The following KMT2B variants were observed in gnomAD, a reference collection of about 807,000 sequenced individuals.
KMT2B encodes lysine methyltransferase 2B.
Under a neutral mutation model 255.3 loss-of-function variants are expected in KMT2B, and 22 were observed. The observed-to-expected ratio is 0.09, with a 90% CI of 0.06 to 0.12. The LOEUF is 0.12. KMT2B is among the 10% of genes least tolerant of loss of function. The pLI, the probability that KMT2B is intolerant of heterozygous loss-of-function variation, is 1.00. For synonymous variants in KMT2B, 1,730 were observed against 1,498.1 expected (o/e 1.15, Z -3.57); for missense variants, 3,149 against 3,737.0 (o/e 0.84, Z 4.10).
Position 35,719,482 on chromosome 19 carries a change from T to G in KMT2B, c.377T>G (p.Phe126Cys). The change falls in exon 2 of 37, where the codon TTT becomes TGT. Residue 126 changes from phenylalanine to cysteine, a missense_variant. Physicochemically the swap from Phe to Cys is radical, Grantham distance 205. Transcript: ENST00000420124. Reference sequence around the variant, plus strand: ...CCCCTAAATCAGGAGTTTCAGGGTTTTCATTCAGATGAAGATGTGGCCCCC... The same window carrying G: ...CCCCTAAATCAGGAGTTTCAGGGTTGTCATTCAGATGAAGATGTGGCCCCC... ...GESDEEEFQG[F>C]HSDEDVAPSS... 1 of 1,586,600 alleles carries G rather than the reference T, an allele frequency of 6.3e-7. No homozygotes were observed. Among genetic ancestry groups the G allele is most frequent in the Non-Finnish European group, 8.6e-7 (1 of 1,166,560 alleles).
chr19:35,722,276 T>TA, intron 3 of KMT2B, 83 bp from the exon 4 acceptor site: 2 of 1,391,846 alleles, frequency 1.4e-6, no homozygotes, highest in Non-Finnish European at 1.9e-6. Context: ...GTGCTGGGAT[T>TA]ACAGGCATCA....
Position 35,733,068 on chromosome 19 carries a change from G to A in KMT2B, c.6519G>A (p.Arg2173=), listed in dbSNP as rs370085182. The A allele has an allele frequency of 6.3e-7, 1 of 1,576,202 alleles. No individual in the cohort carries two copies. Among genetic ancestry groups the A allele is most frequent in the African/African-American group, 1.3e-5 (1 of 74,132 alleles). The change falls in exon 28 of 37, where the codon CGG becomes CGA. Residue 2173 remains arginine (R), a synonymous_variant. Coordinates refer to ENST00000420124, the MANE Select transcript of KMT2B (RefSeq NM_014727.3). This position sits in a 1 kb window ranked among gnomAD's most constrained non-coding sequence, Gnocchi z 4.3. ...GGCTCCCAGGGGCCCCAGGGGTCCG[G>A]GTGTTAAGCCTTGGCCCTGCCCCTG... The part of the protein sequence containing the change: ...FAWLPGAPGV[R]VLSLGPAPEP...
intron 8 of KMT2B, 57 bp downstream of exon 8, chr19:35,724,064 T>C (rs1969326980): frequency 6.7e-7 from 1 of 1,488,928 alleles, no homozygotes; most frequent in Non-Finnish European, 9.0e-7. Context: ...GTGTCTTTTG[T>C]GTAGGAGGGA....
At chr19:35,730,265 C>T (rs377273317) in intron 23 of KMT2B, 77 bp from the exon 24 acceptor site, 6 of 1,602,094 alleles carry the variant, frequency 3.7e-6, no homozygotes, top group Admixed American at 1.7e-5. Flanking sequence ...TAGGCCAAGC[C>T]CCTGACTGTT....
Position 35,732,894 on chromosome 19 carries a change from T to C in KMT2B, c.6345T>C (p.Asp2115=). 6.2e-7 allele frequency: 1 copy of C among 1,610,392 alleles called. No individual in the cohort carries two copies. Among genetic ancestry groups the C allele is most frequent in the Non-Finnish European group, 8.5e-7 (1 of 1,178,908 alleles). Residue 2115 remains aspartate (D), a synonymous_variant, in exon 28 of 37, where the codon GAT becomes GAC. Coordinates refer to ENST00000420124, the MANE Select transcript of KMT2B (RefSeq NM_014727.3). ...PPEDLPSEIV[D]FVLKNLGGPG... ...AGGACCTGCCATCGGAAATTGTGGA[T>C]TTTGTGTTGAAGAACCTAGGGGGTC...
rs1568368151 is a variant in KMT2B at position 35,720,555 on chromosome 19, C to T, written c.1208C>T (p.Pro403Leu). 6 of 1,545,182 alleles carry T rather than the reference C, an allele frequency of 3.9e-6. No individual in the cohort carries two copies. The highest frequency in any genetic ancestry group is 5.2e-6 in the Non-Finnish European group (6 of 1,143,732). The change falls in exon 3 of 37, where the codon CCA (proline) becomes CTA (leucine). Residue 403 changes from proline (P) to leucine (L), a missense_variant. This residue lies in a region of KMT2B where 1,188 missense variants were observed against 1,106.4 expected (regional missense o/e 1.07). Coordinates refer to ENST00000420124, the MANE Select transcript of KMT2B (RefSeq NM_014727.3). ...GAAAAGGAAGAGGCAAAGCTGCCACCACCGCCTCTGACTCCTCCAGCCCCT... is the reference window on the plus strand; with the variant it reads ...GAAAAGGAAGAGGCAAAGCTGCCACTACCGCCTCTGACTCCTCCAGCCCCT... ...AAEKEEAKLP[P>L]PPLTPPAPSP...
rs1969998772 is a variant in KMT2B, at chr19:35,738,238, T to A, written c.7873-44T>A. ...GAAGACAGTGGGTGAAGCGAGCCTG[T>A]CCGCGGGGACAGAGCACCTGATCTC... On this transcript the variant is annotated intron_variant, in intron 36 of 36. Coordinates refer to ENST00000420124, the MANE Select transcript of KMT2B (RefSeq NM_014727.3). The surrounding 1 kb of genome is among the most constrained non-coding windows in gnomAD (Gnocchi z 8.7). 1 of 1,613,438 alleles carries A rather than the reference T, an allele frequency of 6.2e-7. No individual in the cohort carries two copies. The highest frequency in any genetic ancestry group is 8.5e-7 in the Non-Finnish European group (1 of 1,179,562).
chr19:35,736,345 T>C (rs753744913), intron 30 of KMT2B: 61 of 226,466 alleles, frequency 2.7e-4, no homozygotes, highest in Non-Finnish European at 4.3e-4. Context: ...TATTTTAAAT[T>C]TTGTGTGAGA....
chr19:35,728,322 G>C (rs937960265), intron 19 of KMT2B, among the ~76,000 whole-genome samples, 151 bp downstream of exon 19: 2 of 152,128 alleles, frequency 1.3e-5, no homozygotes, highest in Non-Finnish European at 2.9e-5. Context: ...GAGATTCCCT[G>C]GTGGTTCTAG....
intron 18 of KMT2B, 24 bp downstream of exon 18, chr19:35,728,009 T>C: frequency 1.9e-6 from 3 of 1,549,396 alleles, no homozygotes; most frequent in Non-Finnish European, 2.6e-6. Context: ...GGGATGCTTG[T>C]GGGGTGGGGG....
rs1331725658 is a variant in KMT2B, at chr19:35,733,979, G to GC, written c.7159+109dup. The GC allele has an allele frequency of 1.3e-6, 1 of 764,770 alleles. No homozygotes were observed. The allele number at this position is 764,770 out of a possible 1,614,324, so 47.4% of individuals were successfully genotyped here. ...TCAAAACCAGTATCTACTCCCAGGG[G>GC]CCAAGCCTGAGGCTCGGTGCTAGAG... On this transcript the variant is annotated intron_variant, in intron 30 of 36. Coordinates refer to ENST00000420124, the MANE Select transcript of KMT2B (RefSeq NM_014727.3). The surrounding 1 kb of genome is among the most constrained non-coding windows in gnomAD (Gnocchi z 4.3).
In KMT2B at chr19:35,720,538, A is replaced by G. The variant is rs1044779368; in HGVS notation, c.1191A>G (p.Glu397=). The G allele has an allele frequency of 1.6e-5, 25 of 1,549,088 alleles. No individual in the cohort carries two copies. Among genetic ancestry groups the G allele is most frequent in the Non-Finnish European group, 1.9e-5 (22 of 1,145,886 alleles). The stretch of plus-strand genomic sequence containing the variant: ...AGATGATGCCAGCTGCGGAAAAGGA[A>G]GAGGCAAAGCTGCCACCACCGCCTC... ...AEEMMPAAEK[E]EAKLPPPPLT... Residue 397 remains glutamate, a synonymous_variant, in exon 3 of 37, where the codon GAA becomes GAG. Transcript: ENST00000420124.
chr19:35,724,677 CA>C lies in KMT2B; in HGVS notation c.3378del (p.Lys1126AsnfsTer56). On this transcript the variant is annotated frameshift_variant, in exon 9 of 37. Transcript: ENST00000420124. LOFTEE classifies it high-confidence loss of function. Reference sequence around the variant, plus strand: ...AACCTGAGGAGCAGAGCCGGCCCCGCAAACCTACCCTGCAGCCTGTGTTGCA... The same window carrying C: ...AACCTGAGGAGCAGAGCCGGCCCCGCAACCTACCCTGCAGCCTGTGTTGCA... Reference protein sequence around the residue: ...PEPEEQSRPRKPTLQPVLQLK... With the variant: ...PEPEEQSRPRXPTLQPVLQLK... 1 of 1,603,264 alleles carries C rather than the reference CA, an allele frequency of 6.2e-7. No individual in the cohort carries two copies. Among genetic ancestry groups the C allele is most frequent in the Non-Finnish European group, 8.5e-7 (1 of 1,175,262 alleles).
In KMT2B at chr19:35,724,492, C is replaced by T. The variant is rs1260691208; in HGVS notation, c.3335-145C>T. On this transcript the variant is annotated intron_variant, in intron 8 of 36. Coordinates refer to ENST00000420124, the MANE Select transcript of KMT2B (RefSeq NM_014727.3). The stretch of plus-strand genomic sequence containing the variant: ...CCAGTCTGGGCAACAGAGCGAGACC[C>T]TGCCTCAAAAAACAAGAAAAAGAAT... 8.4e-6 allele frequency: 6 copies of T among 715,096 alleles called. No individual in the cohort carries two copies. The South Asian group carries it at 8.5e-5, about 10-fold the overall frequency. 44.3% of individuals were successfully genotyped at this position (715,096 alleles called of 1,614,324 possible). A position where few individuals can be genotyped will look rare whatever the true frequency, so the allele number is the denominator to read the frequency against.
In KMT2B at chr19:35,733,995, G is replaced by C. The variant is rs957996853; in HGVS notation, c.7159+123G>C. On this transcript the variant is annotated intron_variant, in intron 30 of 36. Coordinates refer to ENST00000420124, the MANE Select transcript of KMT2B (RefSeq NM_014727.3). This position sits in a 1 kb window ranked among gnomAD's most constrained non-coding sequence, Gnocchi z 4.3. ...CTCCCAGGGGCCAAGCCTGAGGCTCGGTGCTAGAGTTAGAGATGACCTTGG... is the reference window on the plus strand; with the variant it reads ...CTCCCAGGGGCCAAGCCTGAGGCTCCGTGCTAGAGTTAGAGATGACCTTGG... 1 of 667,954 alleles carries C rather than the reference G, an allele frequency of 1.5e-6. No homozygotes were observed. The highest frequency in any genetic ancestry group is 2.8e-5 in the Admixed American group (1 of 36,326). 41.4% of individuals were successfully genotyped at this position (667,954 alleles called of 1,614,324 possible). A position where few individuals can be genotyped will look rare whatever the true frequency, so the allele number is the denominator to read the frequency against.
Position 35,731,181 on chromosome 19 carries a change from G to A in KMT2B, c.5437+314G>A, listed in dbSNP as rs77869501. 5.9e-4 allele frequency among the ~76,000 whole-genome samples: 90 copies of A among 152,288 alleles called. No homozygotes were observed. In the Middle Eastern group the frequency reaches 0.01, roughly 17 times the overall value. On this transcript the variant is annotated intron_variant, in intron 26 of 36. Coordinates refer to ENST00000420124, the MANE Select transcript of KMT2B (RefSeq NM_014727.3). Reference sequence around the variant, plus strand: ...TGCTCATGGAGCGCTCTCCAGTGTCGCCATACTACACCTTGAAGGGGACAG... The same window carrying A: ...TGCTCATGGAGCGCTCTCCAGTGTCACCATACTACACCTTGAAGGGGACAG...
At position 35,728,808 on chromosome 19, in the gene KMT2B, C is replaced by G; in HGVS notation, c.4606C>G (p.Leu1536Val). Residue 1536 changes from leucine to valine, a missense_variant, in exon 20 of 37, where the codon CTG (leucine) becomes GTG (valine). Coordinates refer to ENST00000420124, the MANE Select transcript of KMT2B (RefSeq NM_014727.3). ...VLPNAVLPPS[L>V]DHVYAQWRQQ... is the part of the protein sequence containing the mutation. ...TCCCAATGCGGTGTTGCCCCCATCC[C>G]TGGATCATGTCTATGCGCAGTGGAG... is the stretch of plus-strand genomic sequence containing the variant. 6.2e-7 allele frequency: 1 copy of G among 1,613,940 alleles called. No homozygotes were observed. Among genetic ancestry groups the G allele is most frequent in the Non-Finnish European group, 8.5e-7 (1 of 1,179,872 alleles).
At position 35,721,214 on chromosome 19, in the gene KMT2B, C is replaced by CGG; in HGVS notation, c.1867_1868insGG (p.Pro623ArgfsTer38). On this transcript the variant is annotated frameshift_variant, in exon 3 of 37. Coordinates refer to ENST00000420124, the MANE Select transcript of KMT2B (RefSeq NM_014727.3). LOFTEE classifies it high-confidence loss of function. ...GACCCGGGAGCTGCCCCCTCCTCCC[C>CGG]CAGCCCCTCCACCTCCCCCGGCCCC... 2.0e-6 allele frequency: 3 copies of CGG among 1,508,126 alleles called. No homozygotes were observed. Among genetic ancestry groups the CGG allele is most frequent in the Non-Finnish European group, 2.7e-6 (3 of 1,119,770 alleles). 93.4% of individuals were successfully genotyped at this position (1,508,126 alleles called of 1,614,324 possible). A position where few individuals can be genotyped will look rare whatever the true frequency, so the allele number is the denominator to read the frequency against.
chr19:35,725,916 TG>T lies in KMT2B; in HGVS notation c.3885+102del, dbSNP rs34836941. The T allele has an allele frequency of 4.5e-5, 44 of 987,740 alleles. No individual in the cohort carries two copies. The highest frequency in any genetic ancestry group is 6.2e-5 in the Non-Finnish European group (40 of 641,858). 61.2% of individuals were successfully genotyped at this position (987,740 alleles called of 1,614,324 possible). A position where few individuals can be genotyped will look rare whatever the true frequency, so the allele number is the denominator to read the frequency against. On this transcript the variant is annotated intron_variant, in intron 13 of 36. Coordinates refer to ENST00000420124, the MANE Select transcript of KMT2B (RefSeq NM_014727.3). The surrounding 1 kb of genome is among the most constrained non-coding windows in gnomAD (Gnocchi z 4.1). ...TGGGGCTCTCAGGAGGAGCAGAGGT[TG>T]GGGATCCTCTTAAGAATTGATTAGT...
Sources: gnomAD v4.1 joint callset for allele counts (sites outside exome capture counted in the v4.1 genomes callset) on GRCh38, gnomAD v4.1.1 for gene constraint, gnomAD v4.1.1 regional missense constraint, Gnocchi (gnomAD v3.1) non-coding constraint, MANE v1.5 for transcripts, NCBI Gene and HGNC (gene_info 2026-07-23, HGNC 2026-07-21) for gene names.